The following VDAC1 variants were observed in gnomAD, a reference collection of about 807,000 sequenced individuals.
The protein encoded by VDAC1 is voltage dependent anion channel 1, also known as non-selective voltage-gated ion channel VDAC1.
A neutral mutation model predicts 34.7 loss-of-function variants in VDAC1; 10 were observed. The observed-to-expected ratio is 0.29, with a 90% CI of 0.18 to 0.49. The LOEUF (loss-of-function observed/expected upper bound fraction) is 0.49, where lower values mean the gene tolerates loss of function less well. Among genes scored for constraint, VDAC1 ranks in the 20% least tolerant of loss-of-function variants. The pLI is 0.99. For missense variants in VDAC1, 230 were observed against 347.9 expected (o/e 0.66, Z 2.69); for synonymous variants, 130 against 136.0 (o/e 0.96, Z 0.30).
chr5:134,020,449 C>T, the VDAC1 span, among the ~76,000 whole-genome samples: 1 of 151,942 alleles, frequency 6.6e-6, no homozygotes, highest in Admixed American at 6.6e-5. Context: ...CCCCTTGTAT[C>T]GCTAAACCCC....
the VDAC1 span, among the ~76,000 whole-genome samples, chr5:134,027,430 C>T: frequency 6.6e-6 from 1 of 152,174 alleles, no homozygotes; most frequent in Admixed American, 6.5e-5. Context: ...GACAAGAGAG[C>T]GACAGCCCCT....
chr5:134,102,121 C>T, the VDAC1 span, among the ~76,000 whole-genome samples: 16 of 151,900 alleles, frequency 1.1e-4, no homozygotes, highest in Non-Finnish European at 2.1e-4. Flanking sequence ...GGTTACTTCC[C>T]ACTCCTGCAG....
At chr5:134,108,877 G>A in the VDAC1 span, among the ~76,000 whole-genome samples, 2 of 152,140 alleles carry the variant, frequency 1.3e-5, no homozygotes, top group Non-Finnish European at 2.9e-5. Flanking sequence ...TGCCCCACCC[G>A]GAAAAGGCCA....
At chr5:134,083,389 T>C in the VDAC1 span, among the ~76,000 whole-genome samples, 3,026 of 152,136 alleles carry the variant, frequency 0.02, 86 homozygotes, top group African/African-American at 0.069. Flanking sequence ...GGGGTTTCAC[T>C]ATGTTGGCCA....
chr5:134,052,817 T>C, the VDAC1 span, among the ~76,000 whole-genome samples: 1 of 151,998 alleles, frequency 6.6e-6, no homozygotes, highest in African/African-American at 2.4e-5. Flanking sequence ...CTTTGCAAAG[T>C]TAAGAAGCAG....
At chr5:134,034,025 A>G in the VDAC1 span, among the ~76,000 whole-genome samples, 4 of 152,110 alleles carry the variant, frequency 2.6e-5, no homozygotes, top group Non-Finnish European at 5.9e-5. Flanking sequence ...ATATATTAGA[A>G]ATAAATAATA....
At chr5:133,982,485 C>A (rs1273579876) in intron 5 of VDAC1, among the ~76,000 whole-genome samples, 4 of 147,710 alleles carry the variant, frequency 2.7e-5, no homozygotes, top group Non-Finnish European at 5.9e-5. Context: ...GCACTCCAGC[C>A]TGGGCGACAG....
At chr5:134,033,905 C>T in the VDAC1 span, among the ~76,000 whole-genome samples, 3,325 of 151,696 alleles carry the variant, frequency 0.022, 43 homozygotes, top group Non-Finnish European at 0.035. Flanking sequence ...GGCAGGAGAA[C>T]GGCATGAACC....
intron 1 of VDAC1, among the ~76,000 whole-genome samples, chr5:133,998,270 A>T (rs772597347): frequency 3.9e-5 from 6 of 152,208 alleles, no homozygotes; most frequent in Non-Finnish European, 8.8e-5. Flanking sequence ...CTGGAGAAGG[A>T]GGTTTAGGGA....
the VDAC1 span, among the ~76,000 whole-genome samples, chr5:134,021,429 C>T: frequency 2.0e-5 from 3 of 149,742 alleles, no homozygotes; most frequent in Non-Finnish European, 4.4e-5. Flanking sequence ...TGAGTGAGAA[C>T]ATGTGGTGTT....
intron 1 of VDAC1, chr5:134,004,592 TG>T (rs1464213545): frequency 1.3e-5 from 2 of 151,554 alleles, no homozygotes; most frequent in African/African-American, 4.8e-5. Flanking sequence ...CCCAGGGGCC[TG>T]GCCCCCGCCG....
chr5:134,036,547 C>T, the VDAC1 span, among the ~76,000 whole-genome samples: 2 of 151,950 alleles, frequency 1.3e-5, no homozygotes, highest in Admixed American at 1.3e-4. Context: ...GTCAAGTGCA[C>T]TTCTAGTAAG....
chr5:134,010,280 C>T, the VDAC1 span, among the ~76,000 whole-genome samples: 1 of 152,016 alleles, frequency 6.6e-6, no homozygotes, highest in African/African-American at 2.4e-5. Flanking sequence ...CACTCACAAC[C>T]TTGAGGAAAT....
At chr5:134,042,426 G>A in the VDAC1 span, among the ~76,000 whole-genome samples, 1 of 152,196 alleles carries the variant, frequency 6.6e-6, no homozygotes, top group Non-Finnish European at 1.5e-5. Context: ...CTGCCCCGTG[G>A]TAACTTCTAG....
At chr5:133,979,351 A>G (rs1752597223) in intron 6 of VDAC1, among the ~76,000 whole-genome samples, 1 of 147,416 alleles carries the variant, frequency 6.8e-6, no homozygotes, top group African/African-American at 2.5e-5. Flanking sequence ...TGCATGTGGT[A>G]TGTTTCCTAT....
the VDAC1 span, among the ~76,000 whole-genome samples, chr5:134,085,964 G>A: frequency 1.2e-4 from 18 of 152,204 alleles, no homozygotes; most frequent in East Asian, 2.9e-3. Flanking sequence ...AGTCCAAGGC[G>A]TGTGGATCAC....
chr5:134,070,211 G>A, the VDAC1 span, among the ~76,000 whole-genome samples: 5 of 152,194 alleles, frequency 3.3e-5, no homozygotes, highest in East Asian at 1.9e-4. Flanking sequence ...GCGTGATCTC[G>A]GCTCACTGCA....
In VDAC1 at chr5:133,992,339, C is replaced by G. The variant is rs765137997; in HGVS notation, c.84G>C (p.Lys28Asn). ...FTKGYGFGLI[K>N]LDLKTKSENG... ...TCTCAGATTTTGTTTTCAAATCAAG[C>G]TTTATTAAGCCAAATCCTAAAGAAA... Residue 28 changes from lysine (K) to asparagine (N), a missense_variant, in exon 3 of 9, where the codon AAG (lysine) becomes AAC (asparagine). Lys to Asn is a moderately conservative substitution (Grantham distance 94). Coordinates refer to ENST00000265333, the MANE Select transcript of VDAC1 (RefSeq NM_003374.3). The G allele has an allele frequency of 1.9e-6, 3 of 1,583,482 alleles. No homozygotes were observed. The East Asian group carries it at 7.1e-5, about 37-fold the overall frequency.
intron 5 of VDAC1, among the ~76,000 whole-genome samples, chr5:133,981,315 T>C (rs1414908561): frequency 6.6e-6 from 1 of 152,216 alleles, no homozygotes; most frequent in African/African-American, 2.4e-5. Flanking sequence ...GATGCATCTT[T>C]GATATTTTCC....
Sources: gnomAD v4.1 joint callset for allele counts (sites outside exome capture counted in the v4.1 genomes callset) on GRCh38, gnomAD v4.1.1 for gene constraint, MANE v1.5 for transcripts, NCBI Gene and HGNC (gene_info 2026-07-23, HGNC 2026-07-21) for gene names.